Variants in PABPC4L observed in about 807,000 individuals in gnomAD.
The protein encoded by PABPC4L is polyadenylate-binding protein 4-like.
For missense variants in PABPC4L, 452 were observed against 451.4 expected (o/e 1.00, Z -0.01); for synonymous variants, 169 against 164.1 (o/e 1.03, Z -0.23).
At chr4:133,998,057 A>G in the PABPC4L span, among the ~76,000 whole-genome samples, 1 of 151,904 alleles carries the variant, frequency 6.6e-6, no homozygotes, top group Non-Finnish European at 1.5e-5. Context: ...AACCATTTGT[A>G]TGATCATGGA....
At chr4:134,003,020 T>G in the PABPC4L span, among the ~76,000 whole-genome samples, 4 of 152,026 alleles carry the variant, frequency 2.6e-5, no homozygotes, top group Non-Finnish European at 5.9e-5. Flanking sequence ...TTGCACCTGC[T>G]TCAGAGGTAT....
At chr4:134,008,769 T>C in the PABPC4L span, among the ~76,000 whole-genome samples, 1 of 151,850 alleles carries the variant, frequency 6.6e-6, no homozygotes, top group African/African-American at 2.4e-5. Flanking sequence ...TTTCAATTCC[T>C]GAAGACATAA....
At chr4:134,110,747 AG>A in the PABPC4L span, among the ~76,000 whole-genome samples, 6 of 150,610 alleles carry the variant, frequency 4.0e-5, no homozygotes, top group African/African-American at 1.5e-4. Context: ...AATCATCTCT[AG>A]ATTACTTATA....
chr4:133,967,126 C>T, the PABPC4L span, among the ~76,000 whole-genome samples: 10 of 151,948 alleles, frequency 6.6e-5, no homozygotes, highest in East Asian at 3.9e-4. Flanking sequence ...GATAGAAAAA[C>T]GACTAGTATG....
chr4:134,068,245 T>C, the PABPC4L span, among the ~76,000 whole-genome samples: 1 of 152,202 alleles, frequency 6.6e-6, no homozygotes, highest in Non-Finnish European at 1.5e-5. Flanking sequence ...TTAGGTCTTT[T>C]TGTTGAATTA....
chr4:134,009,775 T>G, the PABPC4L span, among the ~76,000 whole-genome samples: 1 of 152,012 alleles, frequency 6.6e-6, no homozygotes, highest in East Asian at 1.9e-4. Flanking sequence ...ATCCTGAATC[T>G]TTGCAATTCT....
chr4:134,068,109 G>A, the PABPC4L span, among the ~76,000 whole-genome samples: 2 of 152,190 alleles, frequency 1.3e-5, no homozygotes, highest in South Asian at 2.1e-4. Flanking sequence ...TTCTAATAAC[G>A]TTAGTGGAGT....
chr4:134,027,461 T>A, the PABPC4L span, among the ~76,000 whole-genome samples: 1 of 152,182 alleles, frequency 6.6e-6, no homozygotes, highest in African/African-American at 2.4e-5. Flanking sequence ...ATACTACATT[T>A]GCTTTATCTA....
chr4:134,157,397 A>G, the PABPC4L span, among the ~76,000 whole-genome samples: 1 of 151,700 alleles, frequency 6.6e-6, no homozygotes, highest in Non-Finnish European at 1.5e-5. Context: ...TAATATCTAA[A>G]TTATTGATGA....
the PABPC4L span, among the ~76,000 whole-genome samples, chr4:134,019,560 A>T: frequency 3.3e-5 from 5 of 152,164 alleles, no homozygotes; most frequent in Admixed American, 2.6e-4. Context: ...ATCGGTAGCT[A>T]TAAGTTATAG....
chr4:134,083,783 A>C, the PABPC4L span, among the ~76,000 whole-genome samples: 1 of 152,202 alleles, frequency 6.6e-6, no homozygotes, highest in East Asian at 1.9e-4. Context: ...TCAGAATAAT[A>C]CATACATTCT....
chr4:133,968,317 G>C, the PABPC4L span, among the ~76,000 whole-genome samples: 1 of 152,174 alleles, frequency 6.6e-6, no homozygotes, highest in Non-Finnish European at 1.5e-5. Context: ...AACCAGAGGA[G>C]ACAGACTGGG....
the PABPC4L span, among the ~76,000 whole-genome samples, chr4:133,987,598 C>T: frequency 3.3e-5 from 5 of 152,028 alleles, no homozygotes; most frequent in Non-Finnish European, 7.4e-5. Flanking sequence ...CAAGCCTATA[C>T]AGATTTTGTG....
At chr4:134,099,104 C>T in the PABPC4L span, among the ~76,000 whole-genome samples, 1 of 151,652 alleles carries the variant, frequency 6.6e-6, no homozygotes, top group Non-Finnish European at 1.5e-5. Context: ...TCCATTTATT[C>T]ACAATCCGAT....
At chr4:134,186,897 C>T in the PABPC4L span, among the ~76,000 whole-genome samples, 2 of 152,128 alleles carry the variant, frequency 1.3e-5, no homozygotes, top group Non-Finnish European at 2.9e-5. Flanking sequence ...TGAACAGAAA[C>T]TCCTCAAAAG....
chr4:134,035,162 G>T, the PABPC4L span, among the ~76,000 whole-genome samples: 1 of 152,062 alleles, frequency 6.6e-6, no homozygotes, highest in South Asian at 2.1e-4. Context: ...AGCATTTTTA[G>T]CAGTGTTTTT....
downstream of PABPC4L, among the ~76,000 whole-genome samples, chr4:134,194,939 G>T (rs1335230674): frequency 6.6e-6 from 1 of 151,692 alleles, no homozygotes; most frequent in East Asian, 1.9e-4. Context: ...GGAGAAGAAT[G>T]ATATGATCAA....
the PABPC4L span, among the ~76,000 whole-genome samples, chr4:134,055,873 T>A: frequency 6.6e-6 from 1 of 151,994 alleles, no homozygotes; most frequent in Non-Finnish European, 1.5e-5. Context: ...GCTTTCAGTG[T>A]CAAGACTAAG....
the PABPC4L span, among the ~76,000 whole-genome samples, chr4:134,065,877 C>A: frequency 6.6e-6 from 1 of 152,012 alleles, no homozygotes; most frequent in African/African-American, 2.4e-5. Context: ...AACAGGGAGT[C>A]CTTTTCAATG....
Sources: gnomAD v4.1 joint callset for allele counts (sites outside exome capture counted in the v4.1 genomes callset) on GRCh38, gnomAD v4.1.1 for gene constraint, MANE v1.5 for transcripts, NCBI Gene and HGNC (gene_info 2026-07-23, HGNC 2026-07-21) for gene names.